The following UST variants were observed in gnomAD, a reference collection of about 807,000 sequenced individuals.
The protein encoded by UST is uronyl 2-sulfotransferase.
A neutral mutation model predicts 45.6 loss-of-function variants in UST; 21 were observed. The observed-to-expected ratio is 0.46, with a 90% CI of 0.33 to 0.66. The LOEUF (loss-of-function observed/expected upper bound fraction) is 0.66, where lower values mean the gene tolerates loss of function less well. Ranked by LOEUF, UST falls within the 30% of genes least tolerant of loss-of-function variation. The pLI is 0.02. For missense variants in UST, 463 were observed against 512.4 expected, an observed-to-expected ratio of 0.90 and a Z score of 0.93; for synonymous variants, 215 against 200.6, an observed-to-expected ratio of 1.07 and a Z score of -0.61.
chr6:148,903,025 TA>T (rs1246154251), intron 2 of UST, among the ~76,000 whole-genome samples: 1 of 152,222 alleles, frequency 6.6e-6, no homozygotes, highest in Non-Finnish European at 1.5e-5. Context: ...CTGGATGGAA[TA>T]TTTTTCCACT....
Position 149,074,011 on chromosome 6 carries a change from C to A in UST, c.1116C>A (p.Pro372=), listed in dbSNP as rs371227367. The change falls in exon 8 of 8, where the codon CCC becomes CCA. Residue 372 remains proline (P), a synonymous_variant. Coordinates refer to ENST00000367463, the MANE Select transcript of UST (RefSeq NM_005715.3). ...TTAAGTCTCACGTCAGCAAGCCCCC[C>A]CTGAGGCCACACTTCTTTATCCCAA... is the stretch of plus-strand genomic sequence containing the variant. ...FGLKSHVSKP[P]LRPHFFIPTP... is the part of the protein sequence containing the mutation. 1.2e-5 allele frequency: 19 copies of A among 1,614,186 alleles called. No individual in the cohort carries two copies. In the Middle Eastern group the frequency reaches 6.6e-4, roughly 56 times the overall value.
chr6:148,935,059 C>G (rs879568258), intron 2 of UST, among the ~76,000 whole-genome samples: 3 of 152,146 alleles, frequency 2.0e-5, no homozygotes, highest in Non-Finnish European at 2.9e-5. Context: ...AGCCTTCCTT[C>G]TCTTCTCCCC....
At chr6:149,060,110 AAAC>A (rs1325685819) in intron 7 of UST, among the ~76,000 whole-genome samples, 1 of 152,240 alleles carries the variant, frequency 6.6e-6, no homozygotes, top group East Asian at 1.9e-4. Flanking sequence ...CTGCATTTTT[AAAC>A]AACAAGAAAG....
intron 1 of UST, among the ~76,000 whole-genome samples, chr6:148,858,657 C>G (rs1287221748): frequency 6.6e-6 from 1 of 152,122 alleles, no homozygotes; most frequent in East Asian, 1.9e-4. Flanking sequence ...CTTGCCCCAC[C>G]CCACAACAGG....
At chr6:148,879,976 CT>C (rs1778794285) in intron 1 of UST, among the ~76,000 whole-genome samples, 1 of 77,760 alleles carries the variant, frequency 1.3e-5, no homozygotes, top group South Asian at 5.4e-4. Flanking sequence ...TTGACAAGGT[CT>C]TGCTCTGTTG....
chr6:148,783,600 T>C (rs1776683135), intron 1 of UST, among the ~76,000 whole-genome samples: 1 of 152,262 alleles, frequency 6.6e-6, no homozygotes, highest in Non-Finnish European at 1.5e-5. Flanking sequence ...GTCCTTGATA[T>C]CTGTGCATGC....
chr6:148,904,017 A>G (rs1259767105), intron 2 of UST, among the ~76,000 whole-genome samples: 1 of 152,202 alleles, frequency 6.6e-6, no homozygotes, highest in Non-Finnish European at 1.5e-5. Context: ...TGATCTTGGG[A>G]GGTAGAAGCA....
At chr6:148,965,864 A>C (rs1417941111) in intron 5 of UST, among the ~76,000 whole-genome samples, 1 of 145,204 alleles carries the variant, frequency 6.9e-6, no homozygotes, top group Non-Finnish European at 1.5e-5. Context: ...ATATTTTAAA[A>C]GTGGCTTTTC....
chr6:149,069,059 C>A (rs903493435), intron 7 of UST, among the ~76,000 whole-genome samples: 5 of 152,222 alleles, frequency 3.3e-5, no homozygotes, highest in African/African-American at 1.2e-4. Context: ...CATGTTGATG[C>A]AAATGACATG....
At chr6:148,914,997 A>T (rs1203537699) in intron 2 of UST, among the ~76,000 whole-genome samples, 1 of 151,930 alleles carries the variant, frequency 6.6e-6, no homozygotes, top group East Asian at 1.9e-4. Context: ...TGACTGCCTG[A>T]TTCCTGGTTC....
chr6:148,927,746 A>G (rs1374111621), intron 2 of UST, among the ~76,000 whole-genome samples: 2 of 152,204 alleles, frequency 1.3e-5, no homozygotes, highest in East Asian at 3.8e-4. Flanking sequence ...GTCCTATCAT[A>G]TGGTGTCACT....
At chr6:148,984,995 G>T (rs989385985) in intron 5 of UST, among the ~76,000 whole-genome samples, 40 of 152,336 alleles carry the variant, frequency 2.6e-4, no homozygotes, top group African/African-American at 9.6e-4. Flanking sequence ...ATGAAGAGGC[G>T]TTCAGGATGA....
intron 5 of UST, among the ~76,000 whole-genome samples, chr6:149,017,839 T>C (rs1775927505): frequency 7.4e-6 from 1 of 135,002 alleles, no homozygotes; most frequent in Admixed American, 7.1e-5. Context: ...CACACACACA[T>C]CTGTCAGTGT....
rs539143204 is a variant in UST, at chr6:149,002,787, G to A, written c.682-16352G>A. On this transcript the variant is annotated intron_variant, in intron 5 of 7. Transcript: ENST00000367463. ...ATCCCAAAGTGCTGGGATTACAGGC[G>A]TGAGCCACTGCGCCTGGCCGTATGA... 1.5e-4 allele frequency among the ~76,000 whole-genome samples: 23 copies of A among 152,260 alleles called. No individual in the cohort carries two copies. The East Asian group carries it at 2.7e-3, about 18-fold the overall frequency.
intron 5 of UST, among the ~76,000 whole-genome samples, chr6:148,981,322 C>T (rs566820022): frequency 2.2e-4 from 34 of 152,262 alleles, no homozygotes; most frequent in South Asian, 6.2e-4. Context: ...ACAGTGAAGC[C>T]GCCTCCATTA....
chr6:148,893,186 A>G (rs1464474671), intron 2 of UST, among the ~76,000 whole-genome samples: 1 of 152,230 alleles, frequency 6.6e-6, no homozygotes, highest in African/African-American at 2.4e-5. Flanking sequence ...TTATGTTTGC[A>G]TATAAAGTAT....
intron 1 of UST, among the ~76,000 whole-genome samples, chr6:148,828,263 A>G (rs368906608): frequency 8.2e-6 from 1 of 122,584 alleles, no homozygotes; most frequent in East Asian, 2.0e-4. Flanking sequence ...ATTTATTTAC[A>G]AAGAACACTA....
intron 1 of UST, among the ~76,000 whole-genome samples, chr6:148,873,756 G>C (rs761470484): frequency 6.6e-6 from 1 of 152,200 alleles, no homozygotes; most frequent in Non-Finnish European, 1.5e-5. Flanking sequence ...TTGCCTCCTA[G>C]GTTGCTGTAG....
intron 1 of UST, among the ~76,000 whole-genome samples, chr6:148,874,105 G>A (rs1778607715): frequency 6.6e-6 from 1 of 152,242 alleles, no homozygotes; most frequent in African/African-American, 2.4e-5. Flanking sequence ...TCAGTTGACT[G>A]TAGCAATTAC....
Sources: allele counts gnomAD v4.1 joint callset (sites outside exome capture counted in the v4.1 genomes callset), GRCh38; gene constraint gnomAD v4.1.1; transcripts MANE v1.5; gene names NCBI Gene and HGNC (gene_info 2026-07-23, HGNC 2026-07-21).